The following PCDHGA6 variants were observed in gnomAD, a reference collection of about 807,000 sequenced individuals.
The protein encoded by PCDHGA6 is protocadherin gamma subfamily A, 6.
A neutral mutation model predicts 60.6 loss-of-function variants in PCDHGA6; 41 were observed. The observed-to-expected ratio is 0.68, with a 90% confidence interval of 0.53 to 0.88. The LOEUF is 0.88. Among genes scored for constraint, PCDHGA6 ranks in the 40% least tolerant of loss-of-function variants. The pLI is 0.00. For synonymous variants in PCDHGA6, 594 were observed against 524.4 expected, an observed-to-expected ratio of 1.13 and a Z score of -1.81; for missense variants, 1,312 against 1,203.0, an observed-to-expected ratio of 1.09 and a Z score of -1.34.
chr5:141,404,501 C>T, intron 1 of PCDHGA6: 2 of 1,613,792 alleles, frequency 1.2e-6, no homozygotes, highest in Non-Finnish European at 1.7e-6. Context: ...GCTGTATGCT[C>T]TGTGCTCCTT....
chr5:141,395,019 C>T (rs374672662), intron 1 of PCDHGA6: 5 of 1,613,986 alleles, frequency 3.1e-6, no homozygotes, highest in South Asian at 1.1e-5. Context: ...GGTAGGCGTG[C>T]CTGCCTCACA....
In PCDHGA6 at chr5:141,383,284, A is replaced by G. The variant is rs760384498; in HGVS notation, c.2424+6777A>G. ...CGTGGAAATAATAGATATTAATGAC[A>G]ACGTTCCAAGATTCTTGACGGAAGA... On this transcript the variant is annotated intron_variant, in intron 1 of 3. Transcript: ENST00000517434. 4 of 1,613,962 alleles carry G rather than the reference A, an allele frequency of 2.5e-6. No homozygotes were observed. In the East Asian group the frequency reaches 8.9e-5, roughly 36 times the overall value.
At chr5:141,463,438 C>CTTTTTTT (rs71576115) in intron 1 of PCDHGA6, among the ~76,000 whole-genome samples, 6 of 103,252 alleles carry the variant, frequency 5.8e-5, no homozygotes, top group African/African-American at 1.3e-4. Flanking sequence ...TTTCCTTCTC[C>CTTTTTTT]TTTTTTTTTT....
At chr5:141,379,459 C>G (rs1775609883) in intron 1 of PCDHGA6, 1 of 152,182 alleles carries the variant, frequency 6.6e-6, no homozygotes, top group East Asian at 1.9e-4. Flanking sequence ...TTCATAAACT[C>G]TGAAAGTGTG....
intron 1 of PCDHGA6, among the ~76,000 whole-genome samples, chr5:141,449,331 G>T (rs1054980032): frequency 3.3e-5 from 5 of 151,950 alleles, no homozygotes; most frequent in Admixed American, 3.3e-4. Flanking sequence ...TGTAGGCCAG[G>T]TGCAGTGGCT....
chr5:141,449,842 A>G (rs893220311), intron 1 of PCDHGA6, among the ~76,000 whole-genome samples: 4 of 151,700 alleles, frequency 2.6e-5, no homozygotes, highest in Non-Finnish European at 4.4e-5. Flanking sequence ...TTATATAATT[A>G]AATTTTAATA....
chr5:141,480,533 G>A (rs2099521308), intron 1 of PCDHGA6, among the ~76,000 whole-genome samples: 1 of 127,758 alleles, frequency 7.8e-6, no homozygotes, highest in African/African-American at 3.6e-5. Flanking sequence ...CAAAGTAGAA[G>A]CACATATGAA....
chr5:141,442,981 C>T (rs2098357132), intron 1 of PCDHGA6, among the ~76,000 whole-genome samples: 1 of 152,142 alleles, frequency 6.6e-6, no homozygotes, highest in African/African-American at 2.4e-5. Flanking sequence ...ATAAAGTTAG[C>T]CTATAATTTC....
Position 141,511,334 on chromosome 5 carries a change from C to A in PCDHGA6, c.*161C>A. 7.0e-7 allele frequency: 1 copy of A among 1,438,700 alleles called. No homozygotes were observed. Among genetic ancestry groups the A allele is most frequent in the Non-Finnish European group, 9.2e-7 (1 of 1,083,314 alleles). 89.1% of individuals were successfully genotyped at this position (1,438,700 alleles called of 1,614,324 possible). On this transcript the variant is annotated 3_prime_UTR_variant, in exon 4 of 4. Coordinates refer to ENST00000517434, the MANE Select transcript of PCDHGA6 (RefSeq NM_018919.3). ...GAAACAGAAACAAGTGCCCAGTCAG[C>A]ACCTACCCCTTCCCCCCCAGGGGGT...
chr5:141,431,351 C>A lies in PCDHGA6; in HGVS notation c.2424+54844C>A. On this transcript the variant is annotated intron_variant, in intron 1 of 3. Coordinates refer to ENST00000517434, the MANE Select transcript of PCDHGA6 (RefSeq NM_018919.3). The surrounding 1 kb of genome is among the most constrained non-coding windows in gnomAD (Gnocchi z 4.8). ...TAAGTACCCCGAATTGGTGCTGAAA[C>A]GCGCCCTGGACCGCGAAGAAAAGGC... The A allele has an allele frequency of 6.2e-7, 1 of 1,614,064 alleles. No individual in the cohort carries two copies. The highest frequency in any genetic ancestry group is 8.5e-7 in the Non-Finnish European group (1 of 1,180,042).
chr5:141,484,788 TAAC>T (rs1245576501), intron 1 of PCDHGA6, among the ~76,000 whole-genome samples: 1 of 151,732 alleles, frequency 6.6e-6, no homozygotes, highest in Non-Finnish European at 1.5e-5. Flanking sequence ...CCCACAGAGA[TAAC>T]AACCCGTGGA....
chr5:141,393,623 T>A (rs1446921809), intron 1 of PCDHGA6: 2 of 1,613,916 alleles, frequency 1.2e-6, no homozygotes, highest in African/African-American at 2.7e-5. Flanking sequence ...GCGACCCGGA[T>A]GAGGGAATCA....
chr5:141,502,864 G>T (rs1595824348), intron 2 of PCDHGA6, among the ~76,000 whole-genome samples: 4 of 61,548 alleles, frequency 6.5e-5, no homozygotes, highest in African/African-American at 2.4e-4. Flanking sequence ...CTGACTCTCT[G>T]TCTTTTTTTT....
Position 141,375,553 on chromosome 5 carries a change from A to C in PCDHGA6, c.1470A>C (p.Ser490=). The change falls in exon 1 of 4, where the codon TCA becomes TCC. Residue 490 remains serine (S), a synonymous_variant. Coordinates refer to ENST00000517434, the MANE Select transcript of PCDHGA6 (RefSeq NM_018919.3). ...DVDQNAQVSY[S]LAEDTLQGAP... Reference sequence around the variant, plus strand: ...ACCAGAACGCCCAAGTCTCCTACTCACTGGCAGAAGACACCCTCCAGGGGG... The same window carrying C: ...ACCAGAACGCCCAAGTCTCCTACTCCCTGGCAGAAGACACCCTCCAGGGGG... The C allele has an allele frequency of 6.2e-7, 1 of 1,613,838 alleles. No individual in the cohort carries two copies. The highest frequency in any genetic ancestry group is 8.5e-7 in the Non-Finnish European group (1 of 1,179,902).
intron 1 of PCDHGA6, among the ~76,000 whole-genome samples, chr5:141,445,582 T>C (rs886701142): frequency 6.6e-6 from 1 of 152,214 alleles, no homozygotes; most frequent in Non-Finnish European, 1.5e-5. Context: ...TAGGGAAGCT[T>C]CGCCTAATCT....
chr5:141,505,436 T>C lies in PCDHGA6; in HGVS notation c.2527T>C (p.Phe843Leu). 1.2e-6 allele frequency: 2 copies of C among 1,614,118 alleles called. No homozygotes were observed. The highest frequency in any genetic ancestry group is 1.7e-6 in the Non-Finnish European group (2 of 1,179,998). ...DDTGTWPNNQ[F>L]DTEMLQAMIL... is the part of the protein sequence containing the mutation. ...CACCGGCACCTGGCCCAACAACCAG[T>C]TTGACACAGAGATGCTGCAAGCCAT... Residue 843 changes from phenylalanine (F) to leucine (L), a missense_variant, in exon 3 of 4, where the codon TTT becomes CTT. Phe to Leu is a conservative substitution (Grantham distance 22). Coordinates refer to ENST00000517434, the MANE Select transcript of PCDHGA6 (RefSeq NM_018919.3).
chr5:141,384,829 G>A (rs1243050988), intron 1 of PCDHGA6: 5 of 1,613,524 alleles, frequency 3.1e-6, no homozygotes, highest in Non-Finnish European at 4.2e-6. Flanking sequence ...GAGCCTCGTG[G>A]TGGCCGTCCA....
intron 1 of PCDHGA6, chr5:141,384,634 C>T: frequency 6.2e-7 from 1 of 1,614,208 alleles, no homozygotes; most frequent in Non-Finnish European, 8.5e-7. Flanking sequence ...GGAGCTGGCA[C>T]CCCGCTCCGC....
intron 1 of PCDHGA6, chr5:141,428,404 T>A (rs375988962): frequency 2.3e-5 from 11 of 476,688 alleles, no homozygotes; most frequent in East Asian, 2.1e-4. Flanking sequence ...TGCCTGGGGT[T>A]GCTTTCACCC....
Sources: allele counts gnomAD v4.1 joint callset (sites outside exome capture counted in the v4.1 genomes callset), GRCh38; gene constraint gnomAD v4.1.1; non-coding constraint Gnocchi (gnomAD v3.1); transcripts MANE v1.5; gene names NCBI Gene and HGNC (gene_info 2026-07-23, HGNC 2026-07-21).